MAF: variants seen among roughly 807,000 people sequenced by gnomAD.
MAF encodes MAF bZIP transcription factor.
A neutral mutation model predicts 22.0 loss-of-function variants in MAF; 10 were observed. That is an observed-to-expected ratio of 0.45 (90% CI 0.28 to 0.77). MAF has a LOEUF of 0.77. Among genes scored for constraint, MAF ranks in the 30% least tolerant of loss-of-function variants. The pLI is 0.12. For synonymous variants in MAF, 337 were observed against 255.8 expected (o/e 1.32, Z -3.03); for missense variants, 544 against 548.4 (o/e 0.99, Z 0.08).
the MAF span, among the ~76,000 whole-genome samples, chr16:79,233,559 C>T: frequency 3.0e-3 from 450 of 152,192 alleles, 11 homozygotes; most frequent in Admixed American, 0.023. Context: ...GCAAATACAT[C>T]AATGGGCTAA....
chr16:79,476,556 G>T, the MAF span, among the ~76,000 whole-genome samples: 1 of 152,178 alleles, frequency 6.6e-6, no homozygotes, highest in African/African-American at 2.4e-5. Context: ...TTCTTGCATT[G>T]TGGTCTTGGC....
chr16:79,341,434 C>T, the MAF span, among the ~76,000 whole-genome samples: 1 of 152,302 alleles, frequency 6.6e-6, no homozygotes, highest in African/African-American at 2.4e-5. Flanking sequence ...CTTCATGCAT[C>T]TCTTCTCAAC....
the MAF span, among the ~76,000 whole-genome samples, chr16:79,251,336 A>T: frequency 2.3e-5 from 2 of 88,858 alleles, no homozygotes; most frequent in Non-Finnish European, 2.4e-5. Context: ...TTTTTTTGAG[A>T]CGGAGTTTTG....
chr16:79,262,897 G>C, the MAF span, among the ~76,000 whole-genome samples: 1 of 152,178 alleles, frequency 6.6e-6, no homozygotes, highest in Non-Finnish European at 1.5e-5. Context: ...GAACTTAGGA[G>C]TGGCATCTTA....
chr16:79,353,015 G>A, the MAF span, among the ~76,000 whole-genome samples: 2 of 152,128 alleles, frequency 1.3e-5, no homozygotes, highest in Admixed American at 1.3e-4. Flanking sequence ...AGGGCTGCGA[G>A]AGAGGGGAGA....
rs143607018 is a variant in MAF, at chr16:79,600,661, G to A, written c.-759C>T. On this transcript the variant is annotated 5_prime_UTR_variant, in exon 1 of 2. Transcript: ENST00000326043. Reference sequence around the variant, plus strand: ...ACGAGGCAGAGAGCAAAGGGGGGAGGGGGAGGCCAAGCCGACAAGCAGCCC... The same window carrying A: ...ACGAGGCAGAGAGCAAAGGGGGGAGAGGGAGGCCAAGCCGACAAGCAGCCC... 701 of 196,348 alleles carry A rather than the reference G, an allele frequency of 3.6e-3. 6 individuals carry two copies. The highest frequency in any genetic ancestry group is 0.016 in the African/African-American group (670 of 42,290). The allele number at this position is 196,348 out of a possible 1,614,324, so 12.2% of individuals were successfully genotyped here.
chr16:79,212,412 T>A, the MAF span: 1 of 396,006 alleles, frequency 2.5e-6, no homozygotes, highest in Non-Finnish European at 4.5e-6. Context: ...CATAGACTCC[T>A]TTGCTAATGC....
the MAF span, among the ~76,000 whole-genome samples, chr16:79,487,310 G>C: frequency 0.76 from 115,237 of 151,944 alleles, 44,226 homozygotes; most frequent in Middle Eastern, 0.88. Flanking sequence ...TTTTTTAAGG[G>C]AGGCATCGAC....
the MAF span, among the ~76,000 whole-genome samples, chr16:79,347,758 T>G: frequency 6.6e-6 from 1 of 152,110 alleles, no homozygotes; most frequent in Non-Finnish European, 1.5e-5. Context: ...GGCCAAGAGC[T>G]CAGGGATCTC....
chr16:79,434,316 G>C, the MAF span, among the ~76,000 whole-genome samples: 2 of 152,232 alleles, frequency 1.3e-5, no homozygotes, highest in African/African-American at 4.8e-5. Context: ...GCTTATAAAT[G>C]TTTAATGATG....
chr16:79,300,929 C>T, the MAF span, among the ~76,000 whole-genome samples: 6 of 151,228 alleles, frequency 4.0e-5, no homozygotes, highest in South Asian at 2.1e-4. Flanking sequence ...TGTGGGTTTT[C>T]GATCAACACA....
At chr16:79,377,488 T>G in the MAF span, among the ~76,000 whole-genome samples, 1 of 152,250 alleles carries the variant, frequency 6.6e-6, no homozygotes, top group South Asian at 2.1e-4. Flanking sequence ...GCCTGTTCAC[T>G]CTGATGGTAG....
the MAF span, among the ~76,000 whole-genome samples, chr16:79,467,256 A>C: frequency 2.6e-5 from 4 of 152,120 alleles, no homozygotes; most frequent in Non-Finnish European, 5.9e-5. Context: ...CCAGTTAAAT[A>C]AAACACCCCT....
At chr16:79,293,239 C>A in the MAF span, among the ~76,000 whole-genome samples, 1 of 152,084 alleles carries the variant, frequency 6.6e-6, no homozygotes, top group Non-Finnish European at 1.5e-5. Flanking sequence ...TGGGGTGTCC[C>A]AGGCCTGATG....
chr16:79,455,699 T>C, the MAF span, among the ~76,000 whole-genome samples: 1 of 152,344 alleles, frequency 6.6e-6, no homozygotes, highest in South Asian at 2.1e-4. Context: ...ATATTAGCCC[T>C]GAAAATGTTG....
At chr16:79,566,768 C>G in the MAF span, among the ~76,000 whole-genome samples, 1 of 152,216 alleles carries the variant, frequency 6.6e-6, no homozygotes, top group Non-Finnish European at 1.5e-5. Context: ...CAGTTCCCGA[C>G]TCCTTCCACA....
chr16:79,534,303 G>A, the MAF span, among the ~76,000 whole-genome samples: 2 of 152,094 alleles, frequency 1.3e-5, no homozygotes, highest in Non-Finnish European at 2.9e-5. Context: ...TTCCTCCTGT[G>A]TCTCCTTCTA....
chr16:79,305,164 C>A, the MAF span, among the ~76,000 whole-genome samples: 3 of 152,172 alleles, frequency 2.0e-5, no homozygotes, highest in African/African-American at 7.2e-5. Flanking sequence ...TCCCAGGGAG[C>A]ATTGCAGGGG....
At chr16:79,231,278 A>G in the MAF span, among the ~76,000 whole-genome samples, 23 of 152,196 alleles carry the variant, frequency 1.5e-4, no homozygotes, top group Admixed American at 3.3e-4. Flanking sequence ...TAGCATGCAC[A>G]CAGGGAGATG....
Sources: allele counts gnomAD v4.1 joint callset (sites outside exome capture counted in the v4.1 genomes callset), GRCh38; gene constraint gnomAD v4.1.1; transcripts MANE v1.5; gene names NCBI Gene and HGNC (gene_info 2026-07-23, HGNC 2026-07-21).